The following ELAVL2 variants were observed in gnomAD, a reference collection of about 807,000 sequenced individuals.
ELAVL2 encodes ELAV-like protein 2.
In ELAVL2, 4 loss-of-function variants were observed where a neutral mutation model predicts 34.6. That is an observed-to-expected ratio of 0.12 (90% CI 0.06 to 0.26). The LOEUF is 0.26. Among genes scored for constraint, ELAVL2 ranks in the 10% least tolerant of loss-of-function variants. The probability of loss-of-function intolerance (pLI) is 1.00; values close to 1 mark genes in which losing one functional copy is unlikely to be tolerated. For missense variants in ELAVL2, 432 were observed against 442.8 expected (o/e 0.98, Z 0.22); for synonymous variants, 193 against 154.8 (o/e 1.25, Z -1.83).
intron 2 of ELAVL2, among the ~76,000 whole-genome samples, chr9:23,751,289 G>C (rs1480232875): frequency 1.3e-5 from 2 of 152,086 alleles, no homozygotes; most frequent in African/African-American, 4.8e-5. Context: ...TTCACAATAT[G>C]CATAAGGATT....
intron 1 of ELAVL2, among the ~76,000 whole-genome samples, chr9:23,795,284 C>T (rs1324352494): frequency 6.6e-6 from 1 of 152,128 alleles, no homozygotes; most frequent in Non-Finnish European, 1.5e-5. Flanking sequence ...TGGCTCATGC[C>T]TGTAATCCCA....
At chr9:23,790,012 AAT>A (rs1358775007) in intron 1 of ELAVL2, among the ~76,000 whole-genome samples, 1 of 152,172 alleles carries the variant, frequency 6.6e-6, no homozygotes, top group Non-Finnish European at 1.5e-5. Context: ...AAGGGCTATA[AAT>A]GCTTGAATAA....
At chr9:23,803,828 C>T (rs2061871538) in intron 1 of ELAVL2, among the ~76,000 whole-genome samples, 1 of 152,102 alleles carries the variant, frequency 6.6e-6, no homozygotes, top group Non-Finnish European at 1.5e-5. Context: ...GAACCTTTTC[C>T]CAATGTTTGC....
chr9:23,819,664 C>T (rs2064247661), intron 1 of ELAVL2, among the ~76,000 whole-genome samples: 1 of 152,056 alleles, frequency 6.6e-6, no homozygotes, highest in South Asian at 2.1e-4. Context: ...CAACTAACTC[C>T]CTGAAAGGTG....
At chr9:23,797,348 TA>T (rs753634221) in intron 1 of ELAVL2, among the ~76,000 whole-genome samples, 23 of 152,210 alleles carry the variant, frequency 1.5e-4, no homozygotes, top group Non-Finnish European at 2.8e-4. Flanking sequence ...TAATGCATGC[TA>T]AGTCCCTAGC....
At chr9:23,706,550 C>A (rs1296433314) in intron 3 of ELAVL2, among the ~76,000 whole-genome samples, 1 of 152,140 alleles carries the variant, frequency 6.6e-6, no homozygotes, top group African/African-American at 2.4e-5. Context: ...TATTCCTGAT[C>A]GCATTCCCTT....
intron 1 of ELAVL2, among the ~76,000 whole-genome samples, chr9:23,810,401 T>TAA: frequency 6.6e-6 from 1 of 151,912 alleles, no homozygotes; most frequent in African/African-American, 2.4e-5. Context: ...AGTGAAGCTT[T>TAA]AAAAAAAATT....
At chr9:23,742,240 C>T (rs1036659204) in intron 2 of ELAVL2, among the ~76,000 whole-genome samples, 4 of 152,306 alleles carry the variant, frequency 2.6e-5, no homozygotes, top group Admixed American at 6.5e-5. Flanking sequence ...ACCTCCTTTA[C>T]ACAGCTGTAA....
intron 1 of ELAVL2, among the ~76,000 whole-genome samples, chr9:23,800,456 G>A (rs2061447788): frequency 6.6e-6 from 1 of 151,432 alleles, no homozygotes; most frequent in Non-Finnish European, 1.5e-5. Flanking sequence ...GCTTACATGA[G>A]GAGAAGGACC....
At chr9:23,695,708 G>A (rs1426711877) in intron 5 of ELAVL2, among the ~76,000 whole-genome samples, 1 of 152,132 alleles carries the variant, frequency 6.6e-6, no homozygotes, top group Non-Finnish European at 1.5e-5. Flanking sequence ...CTAACACAAT[G>A]CTAAGTATTG....
chr9:23,784,008 C>T (rs943909055), intron 1 of ELAVL2, among the ~76,000 whole-genome samples: 1 of 151,934 alleles, frequency 6.6e-6, no homozygotes, highest in African/African-American at 2.4e-5. Flanking sequence ...TCCTGGCTAA[C>T]ACGGTGAAAC....
At chr9:23,761,333 A>G (rs1001447065) in intron 2 of ELAVL2, among the ~76,000 whole-genome samples, 4 of 152,050 alleles carry the variant, frequency 2.6e-5, no homozygotes, top group Non-Finnish European at 5.9e-5. Flanking sequence ...CTATCCCAAG[A>G]ACGTGCTCTT....
rs1002452267 is a variant in ELAVL2 at position 23,698,674 on chromosome 9, G to C, written c.713+2705C>G. Among the ~76,000 whole-genome samples the C allele has an allele frequency of 6.2e-5, 9 of 145,252 alleles. No homozygotes were observed. The South Asian group carries it at 2.2e-3, about 36-fold the overall frequency. ...TATATCTGTGTGATGATTTAGACTC[G>C]AACTACAGAAAACAGCAAAATACCA... is the stretch of plus-strand genomic sequence containing the variant. On this transcript the variant is annotated intron_variant, in intron 5 of 6. Transcript: ENST00000397312.
intron 2 of ELAVL2, among the ~76,000 whole-genome samples, chr9:23,758,494 C>T (rs1020239343): frequency 1.3e-5 from 2 of 152,064 alleles, no homozygotes; most frequent in African/African-American, 4.8e-5. Context: ...CCAAATCAAA[C>T]CAAGATTACC....
intron 1 of ELAVL2, among the ~76,000 whole-genome samples, chr9:23,811,350 G>GA (rs979130107): frequency 4.7e-5 from 7 of 149,862 alleles, no homozygotes; most frequent in Non-Finnish European, 1.0e-4. Context: ...AAAAACCCAC[G>GA]AAACAGTAAT....
intron 1 of ELAVL2, among the ~76,000 whole-genome samples, chr9:23,766,042 A>T (rs1292716473): frequency 6.6e-6 from 1 of 152,172 alleles, no homozygotes; most frequent in Non-Finnish European, 1.5e-5. Flanking sequence ...CTTAGTTTCT[A>T]AAAATAGACA....
At position 23,690,723 on chromosome 9, in the gene ELAVL2, G is replaced by A. The variant is rs992639299; in HGVS notation, c.*1834C>T. 2 of 152,566 alleles carry A rather than the reference G, an allele frequency of 1.3e-5. No homozygotes were observed. Among genetic ancestry groups the A allele is most frequent in the Admixed American group, 6.5e-5 (1 of 15,276 alleles). The allele number at this position is 152,566 out of a possible 1,614,324, so 9.5% of individuals were successfully genotyped here. A position where few individuals can be genotyped will look rare whatever the true frequency, so the allele number is the denominator to read the frequency against. On this transcript the variant is annotated 3_prime_UTR_variant, in exon 7 of 7. Transcript: ENST00000397312. ...AGCACATTGCCTGTTCTAAGGGGAA[G>A]CATGTGAGCATCTCAGTTTATACAA... is the stretch of plus-strand genomic sequence containing the variant.
intron 3 of ELAVL2, among the ~76,000 whole-genome samples, chr9:23,709,036 A>C (rs772858399): frequency 1.4e-4 from 22 of 152,156 alleles, no homozygotes; most frequent in Non-Finnish European, 2.6e-4. Context: ...GAATTTTTAA[A>C]TTAATTTTTG....
At chr9:23,797,821 G>C (rs190707802) in intron 1 of ELAVL2, among the ~76,000 whole-genome samples, 9 of 152,278 alleles carry the variant, frequency 5.9e-5, no homozygotes, top group African/African-American at 9.6e-5. Flanking sequence ...CGAGCTACTC[G>C]GGTGGCTGAG....
Sources: gnomAD v4.1 joint callset for allele counts (sites outside exome capture counted in the v4.1 genomes callset) on GRCh38, gnomAD v4.1.1 for gene constraint, MANE v1.5 for transcripts, NCBI Gene and HGNC (gene_info 2026-07-23, HGNC 2026-07-21) for gene names.